PRPF4: variants seen among roughly 807,000 people sequenced by gnomAD.
PRPF4 encodes the protein pre-mRNA splicing tri-snRNP complex factor PRPF4, also known as U4/U6 small nuclear ribonucleoprotein Prp4.
A neutral mutation model predicts 72.2 loss-of-function variants in PRPF4; 14 were observed. That is an observed-to-expected ratio of 0.19 (90% CI 0.13 to 0.30). The LOEUF is 0.30. Among genes scored for constraint, PRPF4 ranks in the 10% least tolerant of loss-of-function variants. The pLI is 1.00. For missense variants in PRPF4, 478 were observed against 653.9 expected (o/e 0.73, Z 2.93); for synonymous variants, 225 against 232.2 (o/e 0.97, Z 0.28).
chr9:113,276,752 T>G lies in PRPF4; in HGVS notation c.205+27T>G, dbSNP rs759752375. 1.9e-6 allele frequency: 3 copies of G among 1,584,472 alleles called. No homozygotes were observed. In the South Asian group the frequency reaches 3.4e-5, roughly 18 times the overall value. On this transcript the variant is annotated intron_variant, in intron 2 of 13. Transcript: ENST00000374198. ...TAAGATGCAAATTGTGAGCCCATCTTTACCTCTTTGTGTAATGAATACCTT... is the reference window on the plus strand; with the variant it reads ...TAAGATGCAAATTGTGAGCCCATCTGTACCTCTTTGTGTAATGAATACCTT...
At chr9:113,285,524 A>G (rs999650873) in intron 7 of PRPF4, among the ~76,000 whole-genome samples, 31 of 149,644 alleles carry the variant, frequency 2.1e-4, no homozygotes, top group Admixed American at 7.3e-4. Context: ...GACTACAGGC[A>G]CCCGCCACCG....
At position 113,286,686 on chromosome 9, in the gene PRPF4, A is replaced by G; in HGVS notation, c.809-19A>G. On this transcript the variant is annotated intron_variant, in intron 8 of 13. Transcript: ENST00000374198. Reference sequence around the variant, plus strand: ...AAGAGGCAGGAACCTTTTAACTTGCATCTCTTACACTCCTTTAGGGCATAA... The same window carrying G: ...AAGAGGCAGGAACCTTTTAACTTGCGTCTCTTACACTCCTTTAGGGCATAA... The G allele has an allele frequency of 1.2e-6, 2 of 1,614,118 alleles. No homozygotes were observed. The highest frequency in any genetic ancestry group is 1.7e-6 in the Non-Finnish European group (2 of 1,179,974).
rs1323632331 is a variant in PRPF4 at position 113,286,294 on chromosome 9, A to G, written c.808+4A>G. The G allele has an allele frequency of 6.2e-7, 1 of 1,607,442 alleles. No individual in the cohort carries two copies. Among genetic ancestry groups the G allele is most frequent in the Non-Finnish European group, 8.5e-7 (1 of 1,173,904 alleles). ...AACCTCCTTCACACTCTTCGAGGTA[A>G]GTTAGAGTCTTATCCAAATCTCGGT... On this transcript the variant is annotated splice_donor_region_variant and intron_variant, in intron 8 of 13. Transcript: ENST00000374198.
Position 113,288,073 on chromosome 9 carries a change from C to T in PRPF4, c.933-102C>T, listed in dbSNP as rs1161196140. 2.9e-6 allele frequency: 3 copies of T among 1,032,650 alleles called. No individual in the cohort carries two copies. In the African/African-American group the frequency reaches 4.9e-5, roughly 17 times the overall value. 64.0% of individuals were successfully genotyped at this position (1,032,650 alleles called of 1,614,324 possible). ...GTTTACAAGTGTAGTTACAATTTAGCCTCTCGTGTTGTACAGAATGGGTAT... is the reference window on the plus strand; with the variant it reads ...GTTTACAAGTGTAGTTACAATTTAGTCTCTCGTGTTGTACAGAATGGGTAT... On this transcript the variant is annotated intron_variant, in intron 9 of 13. Transcript: ENST00000374198.
chr9:113,279,985 C>T (rs1433760927), intron 3 of PRPF4, among the ~76,000 whole-genome samples: 1 of 152,126 alleles, frequency 6.6e-6, no homozygotes, highest in Non-Finnish European at 1.5e-5. Context: ...TCTCATCTAC[C>T]CTTCATCATC....
rs1832450560 is a variant in PRPF4 at position 113,286,388 on chromosome 9, T to A, written c.808+98T>A. The A allele has an allele frequency of 3.4e-6, 4 of 1,160,502 alleles. No individual in the cohort carries two copies. In the East Asian group the frequency reaches 9.4e-5, roughly 27 times the overall value. The allele number at this position is 1,160,502 out of a possible 1,614,324, so 71.9% of individuals were successfully genotyped here. On this transcript the variant is annotated intron_variant, in intron 8 of 13. Coordinates refer to ENST00000374198, the MANE Select transcript of PRPF4 (RefSeq NM_001244926.2). The stretch of plus-strand genomic sequence containing the variant: ...ACACTCAGACCCCATACACACAGCA[T>A]TAATCCTTGATTTGATTTGACTTGG...
chr9:113,290,533 A>G lies in PRPF4; in HGVS notation c.1090A>G (p.Ser364Gly), dbSNP rs1191683511. ...QEEILHQEGH[S>G]MGVYDIAFHQ... ...GGAGATCCTGCATCAGGAAGGCCAT[A>G]GCATGGGTGTGTATGACATTGCCTT... is the stretch of plus-strand genomic sequence containing the variant. Residue 364 changes from serine to glycine, a missense_variant, in exon 11 of 14, where the codon AGC becomes GGC. Coordinates refer to ENST00000374198, the MANE Select transcript of PRPF4 (RefSeq NM_001244926.2). 6.2e-7 allele frequency: 1 copy of G among 1,614,220 alleles called. No homozygotes were observed. Among genetic ancestry groups the G allele is most frequent in the South Asian group, 1.1e-5 (1 of 91,088 alleles).
At chr9:113,285,604 T>G (rs1176892233) in intron 7 of PRPF4, among the ~76,000 whole-genome samples, 1 of 151,608 alleles carries the variant, frequency 6.6e-6, no homozygotes, top group Non-Finnish European at 1.5e-5. Context: ...GGGCTCGATC[T>G]CCTGACCTTG....
chr9:113,276,860 G>C, intron 2 of PRPF4, 135 bp downstream of exon 2: 3 of 1,019,828 alleles, frequency 2.9e-6, no homozygotes, highest in Non-Finnish European at 4.2e-6. Flanking sequence ...CTGTCGCCAG[G>C]CTGGAGTGCA....
At chr9:113,287,736 G>T (rs1832491753) in intron 9 of PRPF4, among the ~76,000 whole-genome samples, 1 of 152,206 alleles carries the variant, frequency 6.6e-6, no homozygotes, top group Non-Finnish European at 1.5e-5. Context: ...CATTGACAAA[G>T]TTCCCTTTTT....
At chr9:113,285,590 G>A (rs774765031) in intron 7 of PRPF4, among the ~76,000 whole-genome samples, 15 of 151,488 alleles carry the variant, frequency 9.9e-5, no homozygotes, top group Non-Finnish European at 2.2e-4. Flanking sequence ...GTGTTAGCCA[G>A]GATGGGCTCG....
intron 8 of PRPF4, 131 bp downstream of exon 8, chr9:113,286,421 T>C (rs1230462171): frequency 1.0e-6 from 1 of 985,848 alleles, no homozygotes; most frequent in African/African-American, 1.6e-5. Flanking sequence ...TGGTTTTCTC[T>C]GGCTGCAAGA....
chr9:113,284,684 A>G (rs1238672849), intron 7 of PRPF4, among the ~76,000 whole-genome samples: 2 of 152,322 alleles, frequency 1.3e-5, no homozygotes, highest in Non-Finnish European at 2.9e-5. Context: ...ACCAACTAGT[A>G]TCCATAACTC....
At chr9:113,283,846 G>C (rs10981712) in intron 6 of PRPF4, among the ~76,000 whole-genome samples, 42,072 of 151,932 alleles carry the variant, frequency 0.28, 6,095 homozygotes, top group South Asian at 0.38. Context: ...GCAGGCGGAT[G>C]ACTTGAGCCT....
At position 113,283,093 on chromosome 9, in the gene PRPF4, C is replaced by T. The variant is rs1832330448; in HGVS notation, c.481-39C>T. 4 of 1,613,846 alleles carry T rather than the reference C, an allele frequency of 2.5e-6. No homozygotes were observed. The African/African-American group carries it at 4.0e-5, about 16-fold the overall frequency. On this transcript the variant is annotated intron_variant, in intron 4 of 13. Coordinates refer to ENST00000374198, the MANE Select transcript of PRPF4 (RefSeq NM_001244926.2). ...TGACAGTTATAAGAGGAGTAGAATG[C>T]TTCAGATTTGACCTTTCTGCTCTTA...
chr9:113,275,709 G>C lies in PRPF4; in HGVS notation c.-35G>C. The C allele has an allele frequency of 1.2e-6, 2 of 1,606,574 alleles. No individual in the cohort carries two copies. Among genetic ancestry groups the C allele is most frequent in the Non-Finnish European group, 1.7e-6 (2 of 1,176,356 alleles). On this transcript the variant is annotated 5_prime_UTR_variant, in exon 1 of 14. Transcript: ENST00000374198. ...TGGACGGTCTGAAAGGGAGTGTTCG[G>C]GTTTCGCTGGGGCCTCGCGGCTCCA...
chr9:113,288,367 A>G, intron 10 of PRPF4, 103 bp downstream of exon 10: 1 of 1,074,106 alleles, frequency 9.3e-7, no homozygotes, highest in Non-Finnish European at 1.4e-6. Context: ...ATCTTCAGGT[A>G]GGATTTTCTT....
chr9:113,290,323 A>C, intron 10 of PRPF4, 143 bp from the exon 11 acceptor site: 1 of 1,196,166 alleles, frequency 8.4e-7, no homozygotes, highest in Non-Finnish European at 1.2e-6. Context: ...TGTTTATGTC[A>C]GAAAGGAGCT....
chr9:113,286,730 T>G lies in PRPF4; in HGVS notation c.834T>G (p.Ile278Met). ...LRGHNTNVGA[I>M]VFHPKSTVSL... Reference sequence around the variant, plus strand: ...GGCATAACACAAATGTAGGAGCAATTGTATTCCATCCCAAATCCACTGTCT... The same window carrying G: ...GGCATAACACAAATGTAGGAGCAATGGTATTCCATCCCAAATCCACTGTCT... The change falls in exon 9 of 14, where the codon ATT becomes ATG. Residue 278 changes from isoleucine to methionine, a missense_variant. By Grantham distance (10) the Ile-to-Met change is conservative. Coordinates refer to ENST00000374198, the MANE Select transcript of PRPF4 (RefSeq NM_001244926.2). 6.2e-7 allele frequency: 1 copy of G among 1,614,158 alleles called. No individual in the cohort carries two copies. The highest frequency in any genetic ancestry group is 1.3e-5 in the African/African-American group (1 of 75,046).
Sources: allele counts gnomAD v4.1 joint callset (sites outside exome capture counted in the v4.1 genomes callset), GRCh38; gene constraint gnomAD v4.1.1; transcripts MANE v1.5; gene names NCBI Gene and HGNC (gene_info 2026-07-23, HGNC 2026-07-21).